SLC24A2: variants seen among roughly 807,000 people sequenced by gnomAD.
SLC24A2 encodes sodium/potassium/calcium exchanger 2.
In SLC24A2, 36 loss-of-function variants were observed where a neutral mutation model predicts 62.0. The observed-to-expected ratio is 0.58, with a 90% CI of 0.44 to 0.77. The LOEUF is 0.77. Among genes scored for constraint, SLC24A2 ranks in the 30% least tolerant of loss-of-function variants. The pLI is 0.00. For missense variants in SLC24A2, 846 were observed against 817.9 expected (o/e 1.03, Z -0.42); for synonymous variants, 358 against 294.0 (o/e 1.22, Z -2.23).
At chr9:19,972,799 G>T in the SLC24A2 span, among the ~76,000 whole-genome samples, 66 of 152,192 alleles carry the variant, frequency 4.3e-4, no homozygotes, top group South Asian at 6.2e-4. Context: ...CTATACCATG[G>T]AATTGAGGCT....
At chr9:19,906,097 T>C in the SLC24A2 span, among the ~76,000 whole-genome samples, 1 of 152,102 alleles carries the variant, frequency 6.6e-6, no homozygotes, top group Non-Finnish European at 1.5e-5. Context: ...CCTCAGCAAA[T>C]GTAAAAGAAC....
At position 19,738,826 on chromosome 9, in the gene SLC24A2, A is replaced by G. The variant is rs114269944; in HGVS notation, c.930+47111T>C. Among the ~76,000 whole-genome samples, 495 of 152,290 alleles carry G rather than the reference A, an allele frequency of 3.3e-3. 4 individuals carry two copies. Among genetic ancestry groups the G allele is most frequent in the African/African-American group, 0.011 (470 of 41,582 alleles). On this transcript the variant is annotated intron_variant, in intron 2 of 10. Transcript: ENST00000341998. ...ATATTTTATTTAAAATAACATAAAA[A>G]TCATATATCTAGCCAGGCGTGGTGG...
chr9:19,934,489 A>G, the SLC24A2 span, among the ~76,000 whole-genome samples: 2 of 150,378 alleles, frequency 1.3e-5, no homozygotes, highest in African/African-American at 4.9e-5. The surrounding 1 kb of genome is among the most constrained non-coding windows in gnomAD (Gnocchi z 4.1). Context: ...CCCCCATTGC[A>G]GCTCCCAGGT....
chr9:20,274,551 C>T, the SLC24A2 span, among the ~76,000 whole-genome samples: 3 of 152,054 alleles, frequency 2.0e-5, no homozygotes, highest in East Asian at 1.9e-4. Flanking sequence ...CTACCAACTG[C>T]GATACTACAC....
At chr9:19,861,947 T>C in the SLC24A2 span, among the ~76,000 whole-genome samples, 1 of 152,124 alleles carries the variant, frequency 6.6e-6, no homozygotes, top group Admixed American at 6.5e-5. Flanking sequence ...CTACGGGATC[T>C]AGAGAATAGC....
chr9:19,858,516 G>A, the SLC24A2 span, among the ~76,000 whole-genome samples: 30 of 152,228 alleles, frequency 2.0e-4, no homozygotes, highest in African/African-American at 5.3e-4. Context: ...CCTAATTAAA[G>A]AGTTTCTTTA....
chr9:19,686,047 A>G (rs766321632), intron 2 of SLC24A2, among the ~76,000 whole-genome samples: 9 of 152,184 alleles, frequency 5.9e-5, no homozygotes, highest in Non-Finnish European at 1.3e-4. Context: ...TCCAGAATCT[A>G]TAAGGAACTT....
chr9:19,722,508 G>A lies in SLC24A2; in HGVS notation c.930+63429C>T, dbSNP rs573641625. On this transcript the variant is annotated intron_variant, in intron 2 of 10. Coordinates refer to ENST00000341998, the MANE Select transcript of SLC24A2 (RefSeq NM_020344.4). ...TAATATTTGGTTTGTAATTCTGATG[G>A]TATACCTAAAAAGTGCAGGATAAGT... 3.0e-4 allele frequency among the ~76,000 whole-genome samples: 45 copies of A among 152,086 alleles called. No individual in the cohort carries two copies. The South Asian group carries it at 4.2e-3, about 14-fold the overall frequency.
At chr9:20,131,822 G>C in the SLC24A2 span, among the ~76,000 whole-genome samples, 24 of 152,058 alleles carry the variant, frequency 1.6e-4, no homozygotes, top group African/African-American at 5.8e-4. Flanking sequence ...AATTTAAAAG[G>C]AATGAACACA....
At chr9:19,738,025 A>G (rs546942338) in intron 2 of SLC24A2, among the ~76,000 whole-genome samples, 7 of 152,326 alleles carry the variant, frequency 4.6e-5, no homozygotes, top group African/African-American at 1.7e-4. Context: ...TTGCTAATTT[A>G]CGAATAACTT....
the SLC24A2 span, among the ~76,000 whole-genome samples, chr9:20,280,992 C>T: frequency 6.6e-6 from 1 of 152,164 alleles, no homozygotes; most frequent in Non-Finnish European, 1.5e-5. Context: ...TGCAGTGGCA[C>T]TATCTTGGCT....
chr9:19,973,140 C>T, the SLC24A2 span, among the ~76,000 whole-genome samples: 1 of 152,216 alleles, frequency 6.6e-6, no homozygotes, highest in South Asian at 2.1e-4. Context: ...GTGTTTGAGG[C>T]CAGCCTGGGC....
At chr9:20,203,726 C>CAGA in the SLC24A2 span, among the ~76,000 whole-genome samples, 1 of 151,918 alleles carries the variant, frequency 6.6e-6, no homozygotes, top group Admixed American at 6.6e-5. Context: ...GAAGCAGCAG[C>CAGA]AGCAGAAGAA....
chr9:19,524,223 C>A (rs776022571), intron 9 of SLC24A2, among the ~76,000 whole-genome samples: 10 of 147,750 alleles, frequency 6.8e-5, no homozygotes, highest in Admixed American at 2.7e-4. Flanking sequence ...TGATGCAGTT[C>A]TGTGCCTTGG....
the SLC24A2 span, among the ~76,000 whole-genome samples, chr9:20,269,891 G>C: frequency 2.0e-5 from 3 of 152,192 alleles, no homozygotes; most frequent in African/African-American, 7.2e-5. Context: ...CAGAATACCT[G>C]AGCCTGAGTA....
intron 2 of SLC24A2, among the ~76,000 whole-genome samples, chr9:19,665,009 C>T (rs934527447): frequency 1.3e-5 from 2 of 152,296 alleles, no homozygotes; most frequent in East Asian, 1.9e-4. Flanking sequence ...CCTTGTAACA[C>T]CAGGTTTGCT....
intron 8 of SLC24A2, among the ~76,000 whole-genome samples, chr9:19,532,688 T>C (rs1833766258): frequency 6.6e-6 from 1 of 152,194 alleles, no homozygotes; most frequent in African/African-American, 2.4e-5. Context: ...TAGCTGGGTG[T>C]GCTTGAATAA....
At chr9:19,978,227 A>G in the SLC24A2 span, among the ~76,000 whole-genome samples, 3 of 152,212 alleles carry the variant, frequency 2.0e-5, no homozygotes, top group Non-Finnish European at 2.9e-5. Context: ...AATACTCTGT[A>G]TAATATTATG....
intron 2 of SLC24A2, among the ~76,000 whole-genome samples, chr9:19,644,516 G>T (rs973665983): frequency 8.5e-5 from 13 of 152,176 alleles, no homozygotes; most frequent in African/African-American, 2.7e-4. Flanking sequence ...CACTTGCCCA[G>T]TGCGTATGAT....
Sources: allele counts gnomAD v4.1 joint callset (sites outside exome capture counted in the v4.1 genomes callset), GRCh38; gene constraint gnomAD v4.1.1; non-coding constraint Gnocchi (gnomAD v3.1); transcripts MANE v1.5; gene names NCBI Gene and HGNC (gene_info 2026-07-23, HGNC 2026-07-21).